SHLD2: variants seen among roughly 807,000 people sequenced by gnomAD.
The protein encoded by SHLD2 is shieldin complex subunit 2, also known as RINN1-REV7-interacting novel NHEJ regulator 2.
SHLD2 carries 30 observed loss-of-function variants against 73.2 expected under a neutral mutation model. The ratio of observed to expected loss-of-function variants is 0.41; its 90% CI spans 0.31 to 0.56. SHLD2 has a LOEUF of 0.56. SHLD2 is among the 20% of genes least tolerant of loss of function. The probability of loss-of-function intolerance (pLI) is 0.28; values close to 1 mark genes in which losing one functional copy is unlikely to be tolerated. For missense variants in SHLD2, 745 were observed against 1,055.9 expected, an observed-to-expected ratio of 0.71 and a Z score of 4.08; for synonymous variants, 285 against 370.1, an observed-to-expected ratio of 0.77 and a Z score of 2.64.
chr10:87,177,284 A>C (rs1200379213), intron 7 of SHLD2, among the ~76,000 whole-genome samples: 1 of 151,410 alleles, frequency 6.6e-6, no homozygotes, highest in Admixed American at 6.6e-5. Flanking sequence ...CTGGGATTGA[A>C]GTCTAGAATT....
intron 2 of SHLD2, among the ~76,000 whole-genome samples, chr10:87,124,462 G>A (rs1457282186): frequency 6.6e-6 from 1 of 152,148 alleles, no homozygotes; most frequent in Non-Finnish European, 1.5e-5. Context: ...CTTGAGCCCA[G>A]GAGGTTGAGG....
At position 87,187,206 on chromosome 10, in the gene SHLD2, A is replaced by C; in HGVS notation, c.2515+6A>C. ...CTGCCTCAACAGAGTGATAGGTAAT[A>C]TATCAGTGTGCCATCAAGAAGTTGT... On this transcript the variant is annotated splice_donor_region_variant and intron_variant, in intron 9 of 9. Transcript: ENST00000298786. 6.7e-7 allele frequency: 1 copy of C among 1,484,964 alleles called. No individual in the cohort carries two copies. Among genetic ancestry groups the C allele is most frequent in the Non-Finnish European group, 9.4e-7 (1 of 1,062,194 alleles). 92.0% of individuals were successfully genotyped at this position (1,484,964 alleles called of 1,614,324 possible).
At chr10:87,111,338 T>C (rs565199685) in intron 2 of SHLD2, among the ~76,000 whole-genome samples, 37 of 152,074 alleles carry the variant, frequency 2.4e-4, no homozygotes, top group African/African-American at 8.9e-4. Flanking sequence ...AAGTTTTGTA[T>C]TTTTTGTATT....
At chr10:87,158,217 A>C in intron 4 of SHLD2, 62 bp downstream of exon 4, 1 of 1,518,728 alleles carries the variant, frequency 6.6e-7, no homozygotes, top group Non-Finnish European at 8.9e-7. Context: ...ATACTAGGAA[A>C]GATTAGGGTT....
At chr10:87,147,484 C>T (rs951775577) in intron 2 of SHLD2, among the ~76,000 whole-genome samples, 3 of 151,740 alleles carry the variant, frequency 2.0e-5, no homozygotes, top group African/African-American at 7.3e-5. Flanking sequence ...ATTTGGACTT[C>T]ATTATTGTCT....
intron 4 of SHLD2, among the ~76,000 whole-genome samples, chr10:87,161,205 C>T (rs1277867910): frequency 7.2e-5 from 11 of 151,732 alleles, no homozygotes; most frequent in Non-Finnish European, 1.3e-4. Flanking sequence ...TAATTCTAGC[C>T]CTTTGGGAGA....
At chr10:87,150,002 G>A (rs75880697) in intron 2 of SHLD2, among the ~76,000 whole-genome samples, 24,241 of 151,522 alleles carry the variant, frequency 0.16, 2,049 homozygotes, top group African/African-American at 0.19. Flanking sequence ...CTCCCACCTC[G>A]GCCTCCCAAA....
chr10:87,154,569 C>T (rs1401691869), intron 3 of SHLD2, among the ~76,000 whole-genome samples: 4 of 151,652 alleles, frequency 2.6e-5, no homozygotes, highest in Admixed American at 6.6e-5. Flanking sequence ...TTAGTAGAGA[C>T]GGGGTTTCAC....
chr10:87,098,837 A>G (rs1842079746), intron 2 of SHLD2, among the ~76,000 whole-genome samples: 1 of 152,084 alleles, frequency 6.6e-6, no homozygotes, highest in Admixed American at 6.5e-5. Flanking sequence ...GTGCGGTGGC[A>G]CGATCACAGT....
At chr10:87,094,705 G>A (rs1784343760), upstream of SHLD2, 3 of 1,500,194 alleles carry the variant, frequency 2.0e-6, no homozygotes, top group Middle Eastern at 2.4e-4. This position sits in a 1 kb window ranked among gnomAD's most constrained non-coding sequence, Gnocchi z 6.6. Context: ...GTCGGCGGAC[G>A]CCGAGCCCAG....
chr10:87,152,022 G>A lies in SHLD2; in HGVS notation c.668G>A (p.Arg223Lys), dbSNP rs367854320. The A allele has an allele frequency of 1.4e-5, 22 of 1,611,816 alleles. No homozygotes were observed. Among genetic ancestry groups the A allele is most frequent in the South Asian group, 1.2e-4 (11 of 90,976 alleles). ...TCCTCGAACGCAGTAGATAAGTCAA[G>A]GTCTGAAGCAGCAGTTAGGAAGGTC... is the stretch of plus-strand genomic sequence containing the variant. ...LFSSNAVDKSRSEAAVRKVSD... is the reference protein window; with the variant it reads ...LFSSNAVDKSKSEAAVRKVSD... The change falls in exon 3 of 10, where the codon AGG (arginine) becomes AAG (lysine). Residue 223 changes from arginine (R) to lysine (K), a missense_variant. Physicochemically the swap from Arg to Lys is conservative, Grantham distance 26 (BLOSUM62 2). Coordinates refer to ENST00000298786, the MANE Select transcript of SHLD2 (RefSeq NM_001330112.2).
In SHLD2 at chr10:87,157,972, A is replaced by G. The variant is rs995023071; in HGVS notation, c.1526-76A>G. 7.0e-6 allele frequency: 9 copies of G among 1,287,830 alleles called. No individual in the cohort carries two copies. The African/African-American group carries it at 7.3e-5, about 10-fold the overall frequency. 79.8% of individuals were successfully genotyped at this position (1,287,830 alleles called of 1,614,324 possible). On this transcript the variant is annotated intron_variant, in intron 3 of 9. Transcript: ENST00000298786. The stretch of plus-strand genomic sequence containing the variant: ...TTGGTATATGGGAGGCATGCATAGT[A>G]TTTTGTTGTGACTAGTAGGTTAACC...
chr10:87,126,013 G>A (rs1843982744), intron 2 of SHLD2, among the ~76,000 whole-genome samples: 1 of 152,164 alleles, frequency 6.6e-6, no homozygotes, highest in Non-Finnish European at 1.5e-5. Context: ...GGATAACTTT[G>A]TCAACTTCAC....
intron 2 of SHLD2, among the ~76,000 whole-genome samples, chr10:87,143,384 A>G (rs1845346775): frequency 2.6e-5 from 4 of 152,102 alleles, no homozygotes; most frequent in African/African-American, 9.7e-5. Flanking sequence ...TTCTGAATCC[A>G]AAAAACTCTT....
chr10:87,141,345 T>G (rs1845182885), intron 2 of SHLD2, among the ~76,000 whole-genome samples: 1 of 151,616 alleles, frequency 6.6e-6, no homozygotes, highest in Non-Finnish European at 1.5e-5. Flanking sequence ...GTGTTTTTTT[T>G]TTTTTTTTTC....
intron 8 of SHLD2, among the ~76,000 whole-genome samples, chr10:87,183,916 C>T (rs1288773401): frequency 6.6e-6 from 1 of 152,218 alleles, no homozygotes; most frequent in African/African-American, 2.4e-5. Flanking sequence ...CGTCCTTCCT[C>T]TTATTCTTTC....
In SHLD2 at chr10:87,152,623, T is replaced by G; in HGVS notation, c.1269T>G (p.Phe423Leu). Reference protein sequence around the residue: ...VEMDRRNVSEFKSIKKTSLIK... With the variant: ...VEMDRRNVSELKSIKKTSLIK... ...TGGATCGGAGAAATGTGTCTGAATT[T>G]AAGAGTATTAAAAAAACATCATTAA... Residue 423 changes from phenylalanine (F) to leucine (L), a missense_variant, in exon 3 of 10, where the codon TTT becomes TTG. Physicochemically the swap from Phe to Leu is conservative, Grantham distance 22 (BLOSUM62 0). This residue lies in a region of SHLD2 where 418 missense variants were observed against 567.8 expected (regional missense o/e 0.74). Coordinates refer to ENST00000298786, the MANE Select transcript of SHLD2 (RefSeq NM_001330112.2). The G allele has an allele frequency of 4.3e-6, 7 of 1,609,836 alleles. No individual in the cohort carries two copies. The highest frequency in any genetic ancestry group is 5.9e-6 in the Non-Finnish European group (7 of 1,179,290).
intron 2 of SHLD2, among the ~76,000 whole-genome samples, chr10:87,098,199 A>T (rs2133912471): frequency 6.6e-6 from 1 of 152,182 alleles, no homozygotes; most frequent in South Asian, 2.1e-4. Context: ...CACTGTAGGT[A>T]TTATAATTCC....
chr10:87,113,273 G>A (rs1489948464), intron 2 of SHLD2, among the ~76,000 whole-genome samples: 4 of 152,074 alleles, frequency 2.6e-5, no homozygotes, highest in Admixed American at 1.3e-4. Context: ...GCAGTGAGCC[G>A]AGATCATGCC....
Sources: allele counts gnomAD v4.1 joint callset (sites outside exome capture counted in the v4.1 genomes callset), GRCh38; gene constraint gnomAD v4.1.1; regional missense constraint gnomAD v4.1.1; non-coding constraint Gnocchi (gnomAD v3.1); transcripts MANE v1.5; gene names NCBI Gene and HGNC (gene_info 2026-07-23, HGNC 2026-07-21).